Variants in PCDHA3 observed in about 807,000 individuals in gnomAD.
The protein encoded by PCDHA3 is protocadherin alpha 3.
PCDHA3 carries 41 observed loss-of-function variants against 62.2 expected under a neutral mutation model. The ratio of observed to expected loss-of-function variants is 0.66; its 90% CI spans 0.51 to 0.86. PCDHA3 has a LOEUF of 0.86. PCDHA3 is among the 40% of genes least tolerant of loss of function. The pLI, the probability that PCDHA3 is intolerant of heterozygous loss-of-function variation, is 0.00. For synonymous variants in PCDHA3, 640 were observed against 555.4 expected, an observed-to-expected ratio of 1.15 and a Z score of -2.14; for missense variants, 1,304 against 1,241.2, an observed-to-expected ratio of 1.05 and a Z score of -0.76.
At chr5:140,876,555 G>A (rs782622293) in intron 1 of PCDHA3, 18 of 1,614,072 alleles carry the variant, frequency 1.1e-5, no homozygotes, top group Admixed American at 3.3e-5. Flanking sequence ...CTGTGCAAGA[G>A]GATGCTCAGG....
intron 1 of PCDHA3, among the ~76,000 whole-genome samples, chr5:140,942,869 T>C (rs971576222): frequency 6.6e-6 from 1 of 152,088 alleles, no homozygotes; most frequent in African/African-American, 2.4e-5. Context: ...TGCTTTAGCA[T>C]GACAACTTTT....
At chr5:140,928,625 A>C in intron 1 of PCDHA3, 1 of 1,614,224 alleles carries the variant, frequency 6.2e-7, no homozygotes, top group Non-Finnish European at 8.5e-7. Flanking sequence ...AGGACTGGAC[A>C]CTTGGTCACA....
At chr5:140,877,153 A>C in intron 1 of PCDHA3, 1 of 1,613,798 alleles carries the variant, frequency 6.2e-7, no homozygotes, top group Non-Finnish European at 8.5e-7. Flanking sequence ...CGAGAACGAC[A>C]ACGCGCCGGC....
chr5:140,945,636 G>A (rs2093820936), intron 1 of PCDHA3, among the ~76,000 whole-genome samples: 1 of 152,092 alleles, frequency 6.6e-6, no homozygotes, highest in Admixed American at 6.6e-5. Context: ...TAAAAGACAT[G>A]TAGACCAATG....
chr5:140,909,767 G>A (rs114075983), intron 1 of PCDHA3, among the ~76,000 whole-genome samples: 11,557 of 152,088 alleles, frequency 0.076, 504 homozygotes, highest in Middle Eastern at 0.14. Context: ...TGAGTCCAGG[G>A]ACCCACTGGA....
intron 1 of PCDHA3, chr5:140,808,110 T>A: frequency 6.2e-7 from 1 of 1,614,050 alleles, no homozygotes; most frequent in Non-Finnish European, 8.5e-7. Context: ...AAGGGATATA[T>A]TGACTTTGAA....
intron 1 of PCDHA3, among the ~76,000 whole-genome samples, chr5:140,915,441 A>G (rs2077120331): frequency 6.6e-6 from 1 of 152,052 alleles, no homozygotes; most frequent in African/African-American, 2.4e-5. Context: ...GTCCTTCTTG[A>G]GAAGGTTTTC....
intron 1 of PCDHA3, chr5:140,926,824 A>T: frequency 1.3e-6 from 2 of 1,496,944 alleles, no homozygotes; most frequent in Non-Finnish European, 1.8e-6. Context: ...GCTCTCCAGG[A>T]GTCCGGAGCA....
chr5:140,843,258 G>A, intron 1 of PCDHA3: 1 of 1,596,068 alleles, frequency 6.3e-7, no homozygotes, highest in Middle Eastern at 1.7e-4. Context: ...CCGCGCCACC[G>A]TCTGCTGGTC....
intron 1 of PCDHA3, among the ~76,000 whole-genome samples, chr5:140,940,564 T>C (rs1481591678): frequency 2.0e-5 from 3 of 152,228 alleles, no homozygotes; most frequent in Non-Finnish European, 4.4e-5. Flanking sequence ...TTCTCCTACC[T>C]TGGCTCCCAA....
chr5:140,915,517 G>T (rs982535213), intron 1 of PCDHA3, among the ~76,000 whole-genome samples: 17 of 152,066 alleles, frequency 1.1e-4, no homozygotes, highest in African/African-American at 4.1e-4. Flanking sequence ...TTGCAGACTA[G>T]TAGAGGTACC....
chr5:140,848,357 T>A (rs2150409370), intron 1 of PCDHA3: 1 of 1,035,382 alleles, frequency 9.7e-7, no homozygotes, highest in Non-Finnish European at 1.4e-6. Flanking sequence ...CCTTTTCCCA[T>A]GGGAAAGAGG....
chr5:140,909,545 C>T (rs2074570694), intron 1 of PCDHA3, among the ~76,000 whole-genome samples: 2 of 152,142 alleles, frequency 1.3e-5, no homozygotes, highest in African/African-American at 4.8e-5. Context: ...TTGATGGTGG[C>T]ACTAATCTCT....
At chr5:140,982,453 C>T (rs1554244194) in intron 2 of PCDHA3, 22 bp from the exon 3 acceptor site, 5 of 1,613,812 alleles carry the variant, frequency 3.1e-6, no homozygotes, top group African/African-American at 1.3e-5. Context: ...TAACCGTTAT[C>T]TGGGTCTGTG....
intron 1 of PCDHA3, among the ~76,000 whole-genome samples, chr5:140,949,264 G>A (rs139292588): frequency 4.5e-4 from 69 of 151,784 alleles, no homozygotes; most frequent in Admixed American, 2.4e-3. Flanking sequence ...AACATATCAC[G>A]TGCACTTGAA....
chr5:140,957,709 A>T (rs1321290139), intron 1 of PCDHA3, among the ~76,000 whole-genome samples: 6 of 152,264 alleles, frequency 3.9e-5, no homozygotes, highest in Admixed American at 3.3e-4. Context: ...TGTAGTTTTT[A>T]TTAAGAAAGA....
intron 1 of PCDHA3, chr5:140,883,112 A>T (rs141106500): frequency 1.9e-6 from 3 of 1,614,156 alleles, no homozygotes; most frequent in Non-Finnish European, 2.5e-6. Context: ...TTACTCATTT[A>T]GAAGGCCTGT....
intron 1 of PCDHA3, among the ~76,000 whole-genome samples, chr5:140,943,588 T>C (rs1179171934): frequency 1.3e-5 from 2 of 152,176 alleles, no homozygotes; most frequent in Non-Finnish European, 2.9e-5. Context: ...TGAGTGGGGC[T>C]GAATTCTAAA....
rs1417392698 is a variant in PCDHA3 at position 140,999,864 on chromosome 5, T to G, written c.2543-9763T>G. Among the ~76,000 whole-genome samples, 46 of 152,148 alleles carry G rather than the reference T, an allele frequency of 3.0e-4. 1 individual carries two copies. ...TGTATTTATCTCTTCCGCTCCAAGATTACTGAAAATTAGCCCAGCTGTAGC... is the reference window on the plus strand; with the variant it reads ...TGTATTTATCTCTTCCGCTCCAAGAGTACTGAAAATTAGCCCAGCTGTAGC... On this transcript the variant is annotated intron_variant, in intron 3 of 3. Coordinates refer to ENST00000522353, the MANE Select transcript of PCDHA3 (RefSeq NM_018906.3).
Sources: allele counts gnomAD v4.1 joint callset (sites outside exome capture counted in the v4.1 genomes callset), GRCh38; gene constraint gnomAD v4.1.1; transcripts MANE v1.5; gene names NCBI Gene and HGNC (gene_info 2026-07-23, HGNC 2026-07-21).